The following CLN6 variants were observed in gnomAD, a reference collection of about 807,000 sequenced individuals.
The protein encoded by CLN6 is ceroid-lipofuscinosis neuronal protein 6.
Under a neutral mutation model 33.3 loss-of-function variants are expected in CLN6, and 22 were observed. The ratio of observed to expected loss-of-function variants is 0.66; its 90% CI spans 0.47 to 0.94. CLN6 has a LOEUF of 0.94. Among genes scored for constraint, CLN6 ranks in the 40% least tolerant of loss-of-function variants. The pLI, the probability that CLN6 is intolerant of heterozygous loss-of-function variation, is 0.00. For synonymous variants in CLN6, 201 were observed against 174.6 expected (o/e 1.15, Z -1.19); for missense variants, 387 against 417.1 (o/e 0.93, Z 0.63).
chr15:68,229,676 G>A lies in CLN6; in HGVS notation c.-92C>T, dbSNP rs942971560. The A allele has an allele frequency of 7.2e-5, 81 of 1,120,796 alleles. No individual in the cohort carries two copies. The highest frequency in any genetic ancestry group is 9.1e-5 in the Non-Finnish European group (77 of 850,594). 69.4% of individuals were successfully genotyped at this position (1,120,796 alleles called of 1,614,324 possible). ...GCGGAGGCCGCCGCAAATTCCCAGCGCGGGGCGGTTCGGGGCGGGCCGGCG... is the reference window on the plus strand; with the variant it reads ...GCGGAGGCCGCCGCAAATTCCCAGCACGGGGCGGTTCGGGGCGGGCCGGCG... On this transcript the variant is annotated 5_prime_UTR_variant, in exon 1 of 7. Coordinates refer to ENST00000249806, the MANE Select transcript of CLN6 (RefSeq NM_017882.3).
rs1054221124 is a variant in CLN6, at chr15:68,248,747, T to C, written c.179+7943A>G. Among the ~76,000 whole-genome samples, 5 of 151,606 alleles carry C rather than the reference T, an allele frequency of 3.3e-5. No homozygotes were observed. In the East Asian group the frequency reaches 9.7e-4, roughly 29 times the overall value. ...TCCAGGACATTGGTCAGGGCAAAGA[T>C]TTTTTTGTGTAAGACCTCAAAGGCA... On this transcript the variant is annotated intron_variant, in intron 1 of 6. Coordinates refer to the CLN6 transcript ENST00000538696.
intron 2 of CLN6, chr15:68,215,431 G>C (rs937441210): frequency 6.6e-6 from 1 of 152,146 alleles, no homozygotes; most frequent in African/African-American, 2.4e-5. Flanking sequence ...TCTTACCATG[G>C]AAGGTTAAGT....
chr15:68,209,497 C>T lies in CLN6; in HGVS notation c.665+140G>A. On this transcript the variant is annotated intron_variant, in intron 6 of 6. Coordinates refer to ENST00000249806, the MANE Select transcript of CLN6 (RefSeq NM_017882.3). This position sits in a 1 kb window ranked among gnomAD's most constrained non-coding sequence, Gnocchi z 4.9. ...CCACAGGGCATTGTCACAGTCCCCA[C>T]TAGACACAAGAAGAAGCACGGGCCC... 5.0e-6 allele frequency: 6 copies of T among 1,207,632 alleles called. No individual in the cohort carries two copies. Among genetic ancestry groups the T allele is most frequent in the Non-Finnish European group, 7.2e-6 (6 of 831,790 alleles). The allele number at this position is 1,207,632 out of a possible 1,614,324, so 74.8% of individuals were successfully genotyped here. A position where few individuals can be genotyped will look rare whatever the true frequency, so the allele number is the denominator to read the frequency against.
Position 68,211,209 on chromosome 15 carries a change from A to C in CLN6, c.542+54T>G. On this transcript the variant is annotated intron_variant, in intron 5 of 6. Transcript: ENST00000249806. The surrounding 1 kb of genome is among the most constrained non-coding windows in gnomAD (Gnocchi z 5.9). ...CTCAGTGTGTCCCTGAGCCAGTGAC[A>C]GGGCTAGCCGGTAGTTGGGGCCCCT... The C allele has an allele frequency of 1.4e-6, 2 of 1,477,106 alleles. No homozygotes were observed. Among genetic ancestry groups the C allele is most frequent in the Non-Finnish European group, 1.9e-6 (2 of 1,055,084 alleles). The allele number at this position is 1,477,106 out of a possible 1,614,324, so 91.5% of individuals were successfully genotyped here. A position where few individuals can be genotyped will look rare whatever the true frequency, so the allele number is the denominator to read the frequency against.
intron 1 of CLN6, among the ~76,000 whole-genome samples, chr15:68,226,423 T>G (rs2093252149): frequency 6.6e-6 from 1 of 152,282 alleles, no homozygotes; most frequent in African/African-American, 2.4e-5. Flanking sequence ...TTCTTGGGCC[T>G]TAATGTCCTC....
At chr15:68,255,555 T>G (rs879137116) in intron 1 of CLN6, among the ~76,000 whole-genome samples, 2 of 152,230 alleles carry the variant, frequency 1.3e-5, no homozygotes, top group South Asian at 2.1e-4. Flanking sequence ...GATGAGGACT[T>G]CATTTGGGTT....
Position 68,227,259 on chromosome 15 carries a change from G to A in CLN6, c.83+2243C>T, listed in dbSNP as rs1397992767. ...TCTCCATGTTGGCCAGGCTGGTCTC[G>A]AACTCCTGGACTCAAGTGATCCACC... On this transcript the variant is annotated intron_variant, in intron 1 of 6. Coordinates refer to ENST00000249806, the MANE Select transcript of CLN6 (RefSeq NM_017882.3). The surrounding 1 kb of genome is among the most constrained non-coding windows in gnomAD (Gnocchi z 4.1). 1.3e-5 allele frequency among the ~76,000 whole-genome samples: 2 copies of A among 151,788 alleles called. No individual in the cohort carries two copies. The highest frequency in any genetic ancestry group is 2.4e-5 in the African/African-American group (1 of 41,374).
intron 1 of CLN6, among the ~76,000 whole-genome samples, chr15:68,243,269 T>C (rs1410492777): frequency 6.6e-6 from 1 of 152,242 alleles, no homozygotes; most frequent in African/African-American, 2.4e-5. Context: ...TTAGCTTTTT[T>C]CCTTAGGTTA....
chr15:68,211,723 C>A lies in CLN6; in HGVS notation c.438G>T (p.Leu146=), dbSNP rs1339874751. The part of the protein sequence containing the change: ...RLLFSGYQHH[L]SVRENPIIKN... ...TGATGATGGGGTTCTCACGGACAGA[C>A]AGGTGGTGCTGGTAGCCACTGAAGA... is the stretch of plus-strand genomic sequence containing the variant. The change falls in exon 4 of 7, where the codon CTG becomes CTT. Residue 146 remains leucine (L), a synonymous_variant. Transcript: ENST00000249806. The surrounding 1 kb of genome is among the most constrained non-coding windows in gnomAD (Gnocchi z 5.9). 6.2e-7 allele frequency: 1 copy of A among 1,613,960 alleles called. No homozygotes were observed.
In CLN6 at chr15:68,239,375, A is replaced by T. The variant is rs184478405; in HGVS notation, c.179+17315T>A. ...CAGAAAAGATGAAAGTAAAATGATG[A>T]AAAAAGATATAACAGGCAATACTGT... is the stretch of plus-strand genomic sequence containing the variant. On this transcript the variant is annotated intron_variant, in intron 1 of 6. Transcript: ENST00000538696. 1.9e-3 allele frequency among the ~76,000 whole-genome samples: 284 copies of T among 152,174 alleles called. 2 individuals carry two copies. The highest frequency in any genetic ancestry group is 2.8e-3 in the Non-Finnish European group (193 of 67,970).
chr15:68,211,884 G>GGGGTGTCTGGGGGGTTGTCTGTCTCAT lies in CLN6; in HGVS notation c.298-22_298-21insATGAGACAGACAACCCCCCAGACACCC. On this transcript the variant is annotated intron_variant, in intron 3 of 6. Coordinates refer to ENST00000249806, the MANE Select transcript of CLN6 (RefSeq NM_017882.3). This position sits in a 1 kb window ranked among gnomAD's most constrained non-coding sequence, Gnocchi z 5.9. ...ATGAGCTGGGGTTCAGAGTGGGGTT[G>GGGGTGTCTGGGGGGTTGTCTGTCTCAT]GCAGCATGACCCCACCTCTGTCACA... 6.2e-7 allele frequency: 1 copy of GGGGTGTCTGGGGGGTTGTCTGTCTCAT among 1,611,628 alleles called. No individual in the cohort carries two copies.
intron 1 of CLN6, among the ~76,000 whole-genome samples, chr15:68,226,449 A>G (rs753680908): frequency 4.2e-4 from 64 of 152,016 alleles, no homozygotes; most frequent in Non-Finnish European, 7.5e-4. Context: ...TAAAATGGAG[A>G]TAATAGTAGA....
At chr15:68,255,290 G>A (rs978107897) in intron 1 of CLN6, among the ~76,000 whole-genome samples, 3 of 93,488 alleles carry the variant, frequency 3.2e-5, no homozygotes. Flanking sequence ...CTTAAACCCA[G>A]ACACCTGTTG....
In CLN6 at chr15:68,208,097, C is replaced by T; in HGVS notation, c.*43G>A. The T allele has an allele frequency of 3.8e-6, 5 of 1,320,490 alleles. No individual in the cohort carries two copies. Among genetic ancestry groups the T allele is most frequent in the Non-Finnish European group, 5.3e-6 (5 of 940,818 alleles). The allele number at this position is 1,320,490 out of a possible 1,614,324, so 81.8% of individuals were successfully genotyped here. A position where few individuals can be genotyped will look rare whatever the true frequency, so the allele number is the denominator to read the frequency against. ...CTGTATTCAGATGCCCTCCATGGCC[C>T]ACCCTCCCACCCAGCAGAGCGCCAG... On this transcript the variant is annotated 3_prime_UTR_variant, in exon 7 of 7. Coordinates refer to ENST00000249806, the MANE Select transcript of CLN6 (RefSeq NM_017882.3). The surrounding 1 kb of genome is among the most constrained non-coding windows in gnomAD (Gnocchi z 5.8).
At chr15:68,253,392 G>C (rs1892399601) in intron 1 of CLN6, among the ~76,000 whole-genome samples, 1 of 152,126 alleles carries the variant, frequency 6.6e-6, no homozygotes, top group African/African-American at 2.4e-5. Flanking sequence ...GTTTCTGTTT[G>C]AATGCTGAGT....
intron 1 of CLN6, among the ~76,000 whole-genome samples, chr15:68,239,242 A>C (rs1267462563): frequency 5.3e-5 from 8 of 152,072 alleles, no homozygotes. Flanking sequence ...TAAAAATCTA[A>C]ATATATCAGT....
chr15:68,214,379 G>A lies in CLN6; in HGVS notation c.208C>T (p.Pro70Ser), dbSNP rs769286184. 3 of 1,613,456 alleles carry A rather than the reference G, an allele frequency of 1.9e-6. No individual in the cohort carries two copies. Among genetic ancestry groups the A allele is most frequent in the Non-Finnish European group, 2.5e-6 (3 of 1,179,382 alleles). The change falls in exon 3 of 7, where the codon CCT (proline) becomes TCT (serine). Residue 70 changes from proline to serine, a missense_variant. By Grantham distance (74) the Pro-to-Ser change is moderately conservative. Transcript: ENST00000249806. The stretch of plus-strand genomic sequence containing the variant: ...TTGTTGAGTGGAAACCACTCGAGAG[G>A]GAATACCAGCTGCGGAGCAAATGGA... ...FGRPIAMLVF[P>S]LEWFPLNKPS...
In CLN6 at chr15:68,211,476, C is replaced by A. The variant is rs1046476357; in HGVS notation, c.487-158G>T. On this transcript the variant is annotated intron_variant, in intron 4 of 6. Transcript: ENST00000249806. This position sits in a 1 kb window ranked among gnomAD's most constrained non-coding sequence, Gnocchi z 5.9. ...GGGGCCTCGCCTTCTGTTACAGGGGCCCAGGTGGGAGGCAGTCTGTGCACC... is the reference window on the plus strand; with the variant it reads ...GGGGCCTCGCCTTCTGTTACAGGGGACCAGGTGGGAGGCAGTCTGTGCACC... 1.3e-6 allele frequency: 2 copies of A among 1,548,040 alleles called. No individual in the cohort carries two copies. The highest frequency in any genetic ancestry group is 1.8e-6 in the Non-Finnish European group (2 of 1,138,348).
intron 1 of CLN6, among the ~76,000 whole-genome samples, chr15:68,221,516 T>A (rs1241670707): frequency 6.6e-6 from 1 of 151,830 alleles, no homozygotes; most frequent in Non-Finnish European, 1.5e-5. Context: ...GCAGACGGAG[T>A]CTCGCTCACT....
Sources: allele counts gnomAD v4.1 joint callset (sites outside exome capture counted in the v4.1 genomes callset), GRCh38; gene constraint gnomAD v4.1.1; non-coding constraint Gnocchi (gnomAD v3.1); transcripts MANE v1.5; gene names NCBI Gene and HGNC (gene_info 2026-07-23, HGNC 2026-07-21).